The following NOVA1 variants were observed in gnomAD, a reference collection of about 807,000 sequenced individuals.
The protein encoded by NOVA1 is RNA-binding protein Nova-1.
A neutral mutation model predicts 38.0 loss-of-function variants in NOVA1; 7 were observed. The ratio of observed to expected loss-of-function variants is 0.18; its 90% confidence interval spans 0.10 to 0.35. NOVA1 has a LOEUF of 0.35. NOVA1 is among the 10% of genes least tolerant of loss of function. The pLI, the probability that NOVA1 is intolerant of heterozygous loss-of-function variation, is 1.00. For missense variants in NOVA1, 460 were observed against 616.0 expected (o/e 0.75, Z 2.68); for synonymous variants, 270 against 232.5 (o/e 1.16, Z -1.47).
chr14:26,555,309 G>GT (rs970614430), intron 2 of NOVA1, among the ~76,000 whole-genome samples: 98 of 152,036 alleles, frequency 6.4e-4, no homozygotes, highest in African/African-American at 2.3e-3. Flanking sequence ...ATAAATTAAG[G>GT]TATCAGTATT....
intron 2 of NOVA1, among the ~76,000 whole-genome samples, chr14:26,525,507 C>T (rs956749401): frequency 7.9e-5 from 12 of 152,074 alleles, no homozygotes; most frequent in African/African-American, 1.2e-4. Flanking sequence ...TAAATGACTA[C>T]GGCACACTTC....
At chr14:26,549,165 T>C (rs1420223712) in intron 2 of NOVA1, among the ~76,000 whole-genome samples, 1 of 151,712 alleles carries the variant, frequency 6.6e-6, no homozygotes, top group Non-Finnish European at 1.5e-5. Flanking sequence ...TCAGAAAAAT[T>C]AAAAATAAAA....
intron 4 of NOVA1, among the ~76,000 whole-genome samples, chr14:26,460,359 C>T (rs1883551121): frequency 6.6e-6 from 1 of 151,816 alleles, no homozygotes; most frequent in Admixed American, 6.6e-5. Flanking sequence ...ACAAACTGTA[C>T]TATTAGTCAC....
intron 2 of NOVA1, among the ~76,000 whole-genome samples, chr14:26,502,645 C>T (rs1178216868): frequency 2.0e-5 from 3 of 148,982 alleles, no homozygotes; most frequent in African/African-American, 7.4e-5. Context: ...AACTATATTG[C>T]AGAAACTGGA....
At chr14:26,518,053 T>C (rs1172187622) in intron 2 of NOVA1, among the ~76,000 whole-genome samples, 1 of 152,074 alleles carries the variant, frequency 6.6e-6, no homozygotes, top group African/African-American at 2.4e-5. Flanking sequence ...AAACATGATA[T>C]AAGTACAGGT....
At chr14:26,565,821 A>C (rs1259071373) in intron 2 of NOVA1, among the ~76,000 whole-genome samples, 1 of 152,132 alleles carries the variant, frequency 6.6e-6, no homozygotes, top group Non-Finnish European at 1.5e-5. Flanking sequence ...AAATGTGACA[A>C]AAGAAAAAAG....
chr14:26,573,447 G>A (rs1214974733), intron 2 of NOVA1, among the ~76,000 whole-genome samples: 1 of 152,128 alleles, frequency 6.6e-6, no homozygotes, highest in Admixed American at 6.5e-5. Context: ...TTAGCTTTTG[G>A]TAATTTTGTA....
At chr14:26,528,166 T>C (rs1220287472) in intron 2 of NOVA1, among the ~76,000 whole-genome samples, 3 of 152,168 alleles carry the variant, frequency 2.0e-5, no homozygotes, top group Non-Finnish European at 4.4e-5. Flanking sequence ...TCACATACTG[T>C]ATCCCTGGAA....
chr14:26,597,238 G>A (rs1894254090), intron 1 of NOVA1, 63 bp downstream of exon 1: 4 of 1,191,956 alleles, frequency 3.4e-6, no homozygotes, highest in Middle Eastern at 3.2e-4. Flanking sequence ...AGGACGGCGA[G>A]GGAGGGAGGC....
At chr14:26,538,597 A>C (rs1890260578) in intron 2 of NOVA1, among the ~76,000 whole-genome samples, 1 of 152,000 alleles carries the variant, frequency 6.6e-6, no homozygotes, top group Non-Finnish European at 1.5e-5. Flanking sequence ...TCCTCTCACC[A>C]TTTCTACTAC....
intron 2 of NOVA1, among the ~76,000 whole-genome samples, chr14:26,538,984 C>T (rs1241065283): frequency 6.6e-6 from 1 of 152,266 alleles, no homozygotes; most frequent in Non-Finnish European, 1.5e-5. Flanking sequence ...ATGTGACTTT[C>T]GTCGTCCTCA....
At chr14:26,525,507 C>G (rs956749401) in intron 2 of NOVA1, among the ~76,000 whole-genome samples, 9 of 152,074 alleles carry the variant, frequency 5.9e-5, no homozygotes, top group Non-Finnish European at 8.8e-5. Context: ...TAAATGACTA[C>G]GGCACACTTC....
chr14:26,580,380 T>C lies in NOVA1; in HGVS notation c.280+15030A>G, dbSNP rs148397711. Reference sequence around the variant, plus strand: ...TAATTTTAATGAGTTATAAAACAAATAAATCCATATGTTTCACATGAGATT... The same window carrying C: ...TAATTTTAATGAGTTATAAAACAAACAAATCCATATGTTTCACATGAGATT... On this transcript the variant is annotated intron_variant, in intron 2 of 4. Coordinates refer to ENST00000539517, the MANE Select transcript of NOVA1 (RefSeq NM_002515.3). Among the ~76,000 whole-genome samples, 676 of 152,196 alleles carry C rather than the reference T, an allele frequency of 4.4e-3. 6 individuals carry two copies. The highest frequency in any genetic ancestry group is 0.015 in the African/African-American group (643 of 41,558).
chr14:26,449,872 T>C (rs1225460702), intron 4 of NOVA1, among the ~76,000 whole-genome samples: 1 of 152,126 alleles, frequency 6.6e-6, no homozygotes, highest in Admixed American at 6.5e-5. Context: ...TTTATTTGTA[T>C]TGAAACATCC....
intron 2 of NOVA1, among the ~76,000 whole-genome samples, chr14:26,488,990 A>G (rs541159800): frequency 6.6e-6 from 1 of 152,290 alleles, no homozygotes; most frequent in African/African-American, 2.4e-5. Flanking sequence ...GAAACTCAGA[A>G]GTGTGACCAG....
chr14:26,569,800 CT>C (rs1450306869), intron 2 of NOVA1, among the ~76,000 whole-genome samples: 1 of 152,190 alleles, frequency 6.6e-6, no homozygotes, highest in Non-Finnish European at 1.5e-5. Context: ...GTGCTAGCTT[CT>C]TTCAAATCTT....
At chr14:26,468,163 C>T (rs148874336) in intron 4 of NOVA1, among the ~76,000 whole-genome samples, 208 of 152,246 alleles carry the variant, frequency 1.4e-3, no homozygotes, top group African/African-American at 4.6e-3. Context: ...AGAGATTCTC[C>T]TACTGGCCTT....
chr14:26,450,701 T>C (rs17496682), intron 4 of NOVA1, among the ~76,000 whole-genome samples: 27,187 of 152,068 alleles, frequency 0.18, 2,652 homozygotes, highest in East Asian at 0.33. Context: ...AGTTAATGTG[T>C]TACAATTAGA....
rs1224329871 is a variant in NOVA1 at position 26,514,988 on chromosome 14, T to A, written c.281-34845A>T. 2.0e-5 allele frequency among the ~76,000 whole-genome samples: 3 copies of A among 151,996 alleles called. 1 individual carries two copies. In the East Asian group the frequency reaches 5.8e-4, roughly 29 times the overall value. On this transcript the variant is annotated intron_variant, in intron 2 of 4. Transcript: ENST00000539517. ...TTTAATATTTATCTTTTTACCTACA[T>A]CTAATAACTTTCCTGCTTTATCTTA...
Sources: allele counts gnomAD v4.1 joint callset (sites outside exome capture counted in the v4.1 genomes callset), GRCh38; gene constraint gnomAD v4.1.1; transcripts MANE v1.5; gene names NCBI Gene and HGNC (gene_info 2026-07-23, HGNC 2026-07-21).